Variants in AGRN observed in about 807,000 individuals in gnomAD.
AGRN encodes the protein agrin.
A neutral mutation model predicts 211.0 loss-of-function variants in AGRN; 106 were observed. The observed-to-expected ratio is 0.50, with a 90% CI of 0.43 to 0.59. The LOEUF (loss-of-function observed/expected upper bound fraction) is 0.59, where lower values mean the gene tolerates loss of function less well. Among genes scored for constraint, AGRN ranks in the 20% least tolerant of loss-of-function variants. The pLI is 0.00. For synonymous variants in AGRN, 1,525 were observed against 1,332.5 expected, an observed-to-expected ratio of 1.14 and a Z score of -3.15; for missense variants, 3,040 against 2,982.6, an observed-to-expected ratio of 1.02 and a Z score of -0.45.
rs1365551654 is a variant in AGRN at position 1,020,513 on chromosome 1, G to C, written c.201+140G>C. ...TTGGCGACCGCCAAGCCCCGGGAGG[G>C]GGGGTCGCCGGGTCCCGGGAAACTC... On this transcript the variant is annotated intron_variant, in intron 1 of 35. Coordinates refer to ENST00000379370, the MANE Select transcript of AGRN (RefSeq NM_198576.4). 6.6e-6 allele frequency: 5 copies of C among 762,664 alleles called. No homozygotes were observed. The Admixed American group carries it at 1.3e-4, about 20-fold the overall frequency. 47.2% of individuals were successfully genotyped at this position (762,664 alleles called of 1,614,324 possible). A position where few individuals can be genotyped will look rare whatever the true frequency, so the allele number is the denominator to read the frequency against.
chr1:1,035,851 T>G, intron 3 of AGRN, among the ~76,000 whole-genome samples: 1 of 143,348 alleles, frequency 7.0e-6, no homozygotes, highest in Non-Finnish European at 1.5e-5. Flanking sequence ...GGGACACAAG[T>G]GATGGAGGGG....
chr1:1,054,427 TC>T lies in AGRN; in HGVS notation c.5877-16del, dbSNP rs1645396258. The T allele has an allele frequency of 1.3e-6, 2 of 1,555,420 alleles. No individual in the cohort carries two copies. The highest frequency in any genetic ancestry group is 8.7e-7 in the Non-Finnish European group (1 of 1,147,040). On this transcript the variant is annotated intron_variant, in intron 34 of 35. Coordinates refer to ENST00000379370, the MANE Select transcript of AGRN (RefSeq NM_198576.4). ...GAGGGAACTCTGGGCCCTGATGGTC[TC>T]CCCCTCCCTGCACACCCAGGGAGCA...
intron 1 of AGRN, 116 bp downstream of exon 1, chr1:1,020,489 T>G: frequency 2.8e-6 from 3 of 1,057,436 alleles, no homozygotes; most frequent in Non-Finnish European, 3.8e-6. Context: ...CCGGCTCCCT[T>G]GGCGACCGCC....
chr1:1,041,754 G>A (rs751293051), intron 6 of AGRN, 52 bp downstream of exon 6: 2 of 1,508,426 alleles, frequency 1.3e-6, no homozygotes, highest in Non-Finnish European at 1.8e-6. Flanking sequence ...GTCGAGGTGG[G>A]CGGCTCCCCC....
At chr1:1,038,743 C>A (rs10126047) in intron 3 of AGRN, among the ~76,000 whole-genome samples, 5 of 152,140 alleles carry the variant, frequency 3.3e-5, no homozygotes, top group African/African-American at 1.2e-4. Flanking sequence ...CAGGTCCAGC[C>A]GAAGCCCAGG....
At chr1:1,033,358 GGCACACGCACGACGACGC>G (rs1202859988) in intron 2 of AGRN, among the ~76,000 whole-genome samples, 1 of 151,666 alleles carries the variant, frequency 6.6e-6, no homozygotes, top group African/African-American at 2.4e-5. Flanking sequence ...GACACTCGCG[GGCACACGCACGACGACGC>G]GCACACGCGG....
At position 1,048,609 on chromosome 1, in the gene AGRN, A is replaced by G; in HGVS notation, c.4105+244A>G. 1.7e-6 allele frequency: 1 copy of G among 594,030 alleles called. No individual in the cohort carries two copies. Among genetic ancestry groups the G allele is most frequent in the Non-Finnish European group, 2.9e-6 (1 of 343,530 alleles). The allele number at this position is 594,030 out of a possible 1,614,324, so 36.8% of individuals were successfully genotyped here. A position where few individuals can be genotyped will look rare whatever the true frequency, so the allele number is the denominator to read the frequency against. ...AACATGGAGACACTCTGTCTCTACTAAAAATACAAAATTAGCCGGGCGTGG... is the reference window on the plus strand; with the variant it reads ...AACATGGAGACACTCTGTCTCTACTGAAAATACAAAATTAGCCGGGCGTGG... On this transcript the variant is annotated intron_variant, in intron 23 of 35. Transcript: ENST00000379370. The surrounding 1 kb of genome is among the most constrained non-coding windows in gnomAD (Gnocchi z 5.9).
chr1:1,044,864 G>A (rs1003997095), intron 12 of AGRN, among the ~76,000 whole-genome samples: 2 of 152,226 alleles, frequency 1.3e-5, no homozygotes. Context: ...GACGTCTTCA[G>A]ATGTCTGTTT....
chr1:1,033,611 G>T (rs1212019011), intron 2 of AGRN, among the ~76,000 whole-genome samples: 9 of 141,148 alleles, frequency 6.4e-5, no homozygotes, highest in Non-Finnish European at 1.4e-4. Context: ...TTGAACGCCC[G>T]CAGCCTCAGT....
In AGRN at chr1:1,035,297, A is replaced by G. The variant is rs1250043774; in HGVS notation, c.484A>G (p.Thr162Ala). The change falls in exon 3 of 36, where the codon ACT becomes GCT. Residue 162 changes from threonine to alanine, a missense_variant. By Grantham distance (58) the Thr-to-Ala change is moderately conservative. This residue lies in a region of AGRN where 1,498 missense variants were observed against 1,457.8 expected (regional missense o/e 1.03). Coordinates refer to ENST00000379370, the MANE Select transcript of AGRN (RefSeq NM_198576.4). Reference sequence around the variant, plus strand: ...TCCAGATAAACCCGGGACCCACTTCACTCCAGTGCCTCCGACGCCTCCTGA... The same window carrying G: ...TCCAGATAAACCCGGGACCCACTTCGCTCCAGTGCCTCCGACGCCTCCTGA... ...CVEDKPGTHF[T>A]PVPPTPPDAC... 4 of 1,612,600 alleles carry G rather than the reference A, an allele frequency of 2.5e-6. No individual in the cohort carries two copies. In the Admixed American group the frequency reaches 5.0e-5, roughly 20 times the overall value.
chr1:1,037,763 A>G (rs1324627952), intron 3 of AGRN, among the ~76,000 whole-genome samples: 1 of 152,160 alleles, frequency 6.6e-6, no homozygotes, highest in African/African-American at 2.4e-5. Flanking sequence ...GTCTGAGCCC[A>G]GTGCTGGCAT....
rs749589461 is a variant in AGRN at position 1,047,911 on chromosome 1, C to G, written c.3751+16C>G. Reference sequence around the variant, plus strand: ...ATGGACTTTGGTGAGCGCCAGGCCACGAGCCACAGCTTACCTGCCCCCTCC... The same window carrying G: ...ATGGACTTTGGTGAGCGCCAGGCCAGGAGCCACAGCTTACCTGCCCCCTCC... On this transcript the variant is annotated intron_variant, in intron 22 of 35. Coordinates refer to ENST00000379370, the MANE Select transcript of AGRN (RefSeq NM_198576.4). 3.1e-6 allele frequency: 5 copies of G among 1,595,024 alleles called. No homozygotes were observed. The highest frequency in any genetic ancestry group is 1.7e-5 in the Admixed American group (1 of 57,162).
chr1:1,041,274 C>A lies in AGRN; in HGVS notation c.829C>A (p.Arg277Ser). Reference protein sequence around the residue: ...TASCLCPATCRGAPEGTVCGS... With the variant: ...TASCLCPATCSGAPEGTVCGS... ...CTCGTGCCTGTGCCCCGCGACCTGC[C>A]GTGGCGCCCCCGAGGGGACCGTCTG... Residue 277 changes from arginine to serine, a missense_variant, in exon 5 of 36, where the codon CGT becomes AGT. This residue lies in a region of AGRN where 1,498 missense variants were observed against 1,457.8 expected (regional missense o/e 1.03). Transcript: ENST00000379370. The A allele has an allele frequency of 6.6e-7, 1 of 1,508,860 alleles. No homozygotes were observed. Among genetic ancestry groups the A allele is most frequent in the Non-Finnish European group, 8.8e-7 (1 of 1,134,488 alleles). The allele number at this position is 1,508,860 out of a possible 1,614,324, so 93.5% of individuals were successfully genotyped here.
Position 1,054,627 on chromosome 1 carries a change from C to T in AGRN, c.5980+76C>T, listed in dbSNP as rs550876369. 1.9e-4 allele frequency: 283 copies of T among 1,521,062 alleles called. No individual in the cohort carries two copies. The African/African-American group carries it at 3.2e-3, about 17-fold the overall frequency. The allele number at this position is 1,521,062 out of a possible 1,614,324, so 94.2% of individuals were successfully genotyped here. On this transcript the variant is annotated intron_variant, in intron 35 of 35. Transcript: ENST00000379370. ...CCGAGGGACAGACTCCACCCCCCAGCGCCCACCCTTGAGTCAGGGTGCATG... is the reference window on the plus strand; with the variant it reads ...CCGAGGGACAGACTCCACCCCCCAGTGCCCACCCTTGAGTCAGGGTGCATG...
chr1:1,020,673 G>A (rs1032952073), intron 1 of AGRN, among the ~76,000 whole-genome samples: 2 of 140,920 alleles, frequency 1.4e-5, no homozygotes, highest in Non-Finnish European at 3.2e-5. Flanking sequence ...AAGGAGAGGG[G>A]CCTGGGGAGG....
chr1:1,040,757 T>G lies in AGRN; in HGVS notation c.604T>G (p.Cys202Gly). 2 of 1,542,608 alleles carry G rather than the reference T, an allele frequency of 1.3e-6. No homozygotes were observed. The highest frequency in any genetic ancestry group is 1.7e-6 in the Non-Finnish European group (2 of 1,147,314). The change falls in exon 4 of 36, where the codon TGC becomes GGC. Residue 202 changes from cysteine (C) to glycine (G), a missense_variant. By Grantham distance (159) the Cys-to-Gly change is radical. Coordinates refer to ENST00000379370, the MANE Select transcript of AGRN (RefSeq NM_198576.4). ...RASCVCKKSP[C>G]PSVVAPVCGS... Reference sequence around the variant, plus strand: ...GTCCTGCGTCTGCAAGAAGAGCCCGTGCCCCAGCGTGGTGGCGCCTGTGTG... The same window carrying G: ...GTCCTGCGTCTGCAAGAAGAGCCCGGGCCCCAGCGTGGTGGCGCCTGTGTG...
chr1:1,051,013 C>T lies in AGRN; in HGVS notation c.5253+176C>T, dbSNP rs765944911. 5.8e-6 allele frequency: 9 copies of T among 1,549,628 alleles called. No individual in the cohort carries two copies. In the Admixed American group the frequency reaches 1.8e-4, roughly 30 times the overall value. On this transcript the variant is annotated intron_variant, in intron 30 of 35. Transcript: ENST00000379370. ...TCTCTGCTCTCGCTCTGCAACCCCA[C>T]CCGCTCTTCGGAGGCCAGAAATCCC... is the stretch of plus-strand genomic sequence containing the variant.
At position 1,045,469 on chromosome 1, in the gene AGRN, C is replaced by G. The variant is rs773983766; in HGVS notation, c.2482C>G (p.Pro828Ala). Residue 828 changes from proline to alanine, a missense_variant, in exon 14 of 36, where the codon CCT becomes GCT. Physicochemically the swap from Pro to Ala is conservative, Grantham distance 27. This residue lies in a region of AGRN where 1,498 missense variants were observed against 1,457.8 expected (regional missense o/e 1.03). Coordinates refer to ENST00000379370, the MANE Select transcript of AGRN (RefSeq NM_198576.4). ...VGGLRCDRCE[P>A]GFWNFRGIVT... ...GGGCCTCAGGTGTGACCGCTGTGAG[C>G]CTGGCTTCTGGAACTTTCGAGGCAT... is the stretch of plus-strand genomic sequence containing the variant. 3.2e-5 allele frequency: 51 copies of G among 1,612,800 alleles called. No individual in the cohort carries two copies. Among genetic ancestry groups the G allele is most frequent in the Middle Eastern group, 1.6e-4 (1 of 6,084 alleles).
chr1:1,031,917 C>T lies in AGRN; in HGVS notation c.464-3360C>T, dbSNP rs970016304. 1.3e-5 allele frequency among the ~76,000 whole-genome samples: 2 copies of T among 152,220 alleles called. No homozygotes were observed. Among genetic ancestry groups the T allele is most frequent in the South Asian group, 2.1e-4 (1 of 4,836 alleles). On this transcript the variant is annotated intron_variant, in intron 2 of 35. Transcript: ENST00000379370. The surrounding 1 kb of genome is among the most constrained non-coding windows in gnomAD (Gnocchi z 4.8). ...GCTGGGAGGTGAGAAATGGGGAATG[C>T]ATGTGAACCACCTGCCTCTGCACAC...
Sources: gnomAD v4.1 joint callset for allele counts (sites outside exome capture counted in the v4.1 genomes callset) on GRCh38, gnomAD v4.1.1 for gene constraint, gnomAD v4.1.1 regional missense constraint, Gnocchi (gnomAD v3.1) non-coding constraint, MANE v1.5 for transcripts, NCBI Gene and HGNC (gene_info 2026-07-23, HGNC 2026-07-21) for gene names.